UTRN: variants seen among roughly 807,000 people sequenced by gnomAD.
The protein encoded by UTRN is dystrophin-related protein 1.
A neutral mutation model predicts 463.9 loss-of-function variants in UTRN; 283 were observed. The observed-to-expected ratio is 0.61, with a 90% confidence interval of 0.55 to 0.67. The LOEUF (loss-of-function observed/expected upper bound fraction) is 0.67, where lower values mean the gene tolerates loss of function less well. UTRN is among the 30% of genes least tolerant of loss of function. The probability of loss-of-function intolerance (pLI) is 0.00; values close to 1 mark genes in which losing one functional copy is unlikely to be tolerated. For synonymous variants in UTRN, 1,442 were observed against 1,431.5 expected, an observed-to-expected ratio of 1.01 and a Z score of -0.17; for missense variants, 3,922 against 4,084.3, an observed-to-expected ratio of 0.96 and a Z score of 1.08.
intron 50 of UTRN, among the ~76,000 whole-genome samples, chr6:144,566,067 G>T (rs1054980845): frequency 2.0e-5 from 3 of 152,176 alleles, no homozygotes; most frequent in East Asian, 1.9e-4. Context: ...GAGATTTAGA[G>T]AATTGGGTTT....
At chr6:144,741,570 T>G (rs2128719575) in intron 54 of UTRN, among the ~76,000 whole-genome samples, 1 of 152,288 alleles carries the variant, frequency 6.6e-6, no homozygotes, top group Middle Eastern at 3.4e-3. Context: ...CAGCTTTTCC[T>G]CTTTCCTTTT....
intron 10 of UTRN, among the ~76,000 whole-genome samples, chr6:144,437,361 C>A (rs1421808943): frequency 6.6e-6 from 1 of 152,152 alleles, no homozygotes; most frequent in Non-Finnish European, 1.5e-5. Context: ...TTGCTTTGAG[C>A]TATTTCTCTT....
intron 51 of UTRN, among the ~76,000 whole-genome samples, chr6:144,629,151 T>C (rs1776250077): frequency 6.6e-6 from 1 of 152,170 alleles, no homozygotes; most frequent in Admixed American, 6.5e-5. Context: ...TTACCTTGAA[T>C]CTTAATATCA....
chr6:144,851,095 C>T lies in UTRN; in HGVS notation c.*98C>T. ...CCATTAAATCAGAAGCTCCATGGCTCCTTGGCCCACGATGTTGAGTGCTGA... is the reference window on the plus strand; with the variant it reads ...CCATTAAATCAGAAGCTCCATGGCTTCTTGGCCCACGATGTTGAGTGCTGA... On this transcript the variant is annotated 3_prime_UTR_variant, in exon 75 of 75. Transcript: ENST00000367545. 1 of 1,511,334 alleles carries T rather than the reference C, an allele frequency of 6.6e-7. No individual in the cohort carries two copies. The allele number at this position is 1,511,334 out of a possible 1,614,324, so 93.6% of individuals were successfully genotyped here.
intron 2 of UTRN, among the ~76,000 whole-genome samples, chr6:144,340,634 T>C (rs1172413328): frequency 2.0e-5 from 3 of 152,226 alleles, no homozygotes; most frequent in Admixed American, 6.5e-5. Flanking sequence ...TATTGAGCTA[T>C]AATAGAGCTA....
In UTRN at chr6:144,754,775, C is replaced by T. The variant is rs768229951; in HGVS notation, c.8411C>T (p.Pro2804Leu). Residue 2804 changes from proline (P) to leucine (L), a missense_variant, in exon 57 of 75, where the codon CCA (proline) becomes CTA (leucine). Physicochemically the swap from Pro to Leu is moderately conservative, Grantham distance 98. Around this residue, in one of 3 missense-constraint regions of UTRN, gnomAD observed 1,309 missense variants for 1,452.6 expected, o/e 0.90. Coordinates refer to ENST00000367545, the MANE Select transcript of UTRN (RefSeq NM_007124.3). Reference protein sequence around the residue: ...QLQEAHRDFGPSSQHFLSTSV... With the variant: ...QLQEAHRDFGLSSQHFLSTSV... ...CAGGAAGCCCACAGAGATTTTGGAC[C>T]ATCCTCTCAGCATTTTCTCTCTAGT... 5 of 1,613,380 alleles carry T rather than the reference C, an allele frequency of 3.1e-6. No homozygotes were observed. The South Asian group carries it at 4.4e-5, about 14-fold the overall frequency.
chr6:144,775,690 G>T (rs1294001562), intron 60 of UTRN, among the ~76,000 whole-genome samples: 1 of 152,120 alleles, frequency 6.6e-6, no homozygotes, highest in Non-Finnish European at 1.5e-5. Flanking sequence ...TTCTTCTCAG[G>T]CCTGATGAGC....
intron 3 of UTRN, among the ~76,000 whole-genome samples, chr6:144,416,887 A>G (rs754829134): frequency 6.6e-6 from 1 of 152,256 alleles, no homozygotes; most frequent in Non-Finnish European, 1.5e-5. Context: ...GGTATTCACT[A>G]AATATTTGTC....
intron 51 of UTRN, among the ~76,000 whole-genome samples, chr6:144,618,044 G>GGTGTTTAAAAAGAGAATACATGTGA (rs1806327984): frequency 6.6e-6 from 1 of 152,038 alleles, no homozygotes; most frequent in Non-Finnish European, 1.5e-5. Context: ...ATTGCACCTG[G>GGTGTTTAAAAAGAGAATACATGTGA]GTGTTTAAAA....
At chr6:144,415,859 G>A (rs1419967130) in intron 3 of UTRN, among the ~76,000 whole-genome samples, 1 of 152,180 alleles carries the variant, frequency 6.6e-6, no homozygotes, top group Admixed American at 6.5e-5. Flanking sequence ...ATGGTAAGAA[G>A]TGGTCATGTT....
At chr6:144,436,469 T>C (rs1261254795) in intron 10 of UTRN, among the ~76,000 whole-genome samples, 1 of 152,150 alleles carries the variant, frequency 6.6e-6, no homozygotes, top group Non-Finnish European at 1.5e-5. Context: ...TCTTTAAGAT[T>C]TGAGTGTTCC....
At chr6:144,634,893 C>T (rs1172733932) in intron 51 of UTRN, among the ~76,000 whole-genome samples, 1 of 152,126 alleles carries the variant, frequency 6.6e-6, no homozygotes, top group South Asian at 2.1e-4. Flanking sequence ...TGTGGATAGG[C>T]TACATTTTGT....
rs967989889 is a variant in UTRN at position 144,851,830 on chromosome 6, T to G, written c.*833T>G. On this transcript the variant is annotated 3_prime_UTR_variant, in exon 75 of 75. Coordinates refer to ENST00000367545, the MANE Select transcript of UTRN (RefSeq NM_007124.3). Reference sequence around the variant, plus strand: ...CTATTTGATAAAGAAGACTACATTATAATAATCTCAAAGATCATATTACCA... The same window carrying G: ...CTATTTGATAAAGAAGACTACATTAGAATAATCTCAAAGATCATATTACCA... 6.6e-6 allele frequency: 1 copy of G among 152,226 alleles called. No homozygotes were observed. Among genetic ancestry groups the G allele is most frequent in the African/African-American group, 2.4e-5 (1 of 41,460 alleles). The allele number at this position is 152,226 out of a possible 1,614,324, so 9.4% of individuals were successfully genotyped here.
intron 54 of UTRN, among the ~76,000 whole-genome samples, chr6:144,738,123 CT>C (rs1181991060): frequency 6.6e-6 from 1 of 152,208 alleles, no homozygotes; most frequent in Non-Finnish European, 1.5e-5. Flanking sequence ...TGGATTTTGG[CT>C]GGCTTTTGAC....
intron 51 of UTRN, among the ~76,000 whole-genome samples, chr6:144,672,631 T>G (rs1277171317): frequency 6.6e-6 from 1 of 152,048 alleles, no homozygotes; most frequent in Non-Finnish European, 1.5e-5. Flanking sequence ...TTGTTTCACT[T>G]ACTTTTTGTG....
chr6:144,337,649 C>G lies in UTRN; in HGVS notation c.79+45742C>G, dbSNP rs566377893. ...TATTATTTTGAGATGGAGTCTTGCT[C>G]TGTCTCCCAGGCTAGAGTGCAGTGG... On this transcript the variant is annotated intron_variant, in intron 2 of 74. Transcript: ENST00000367545. 2.0e-5 allele frequency among the ~76,000 whole-genome samples: 3 copies of G among 152,276 alleles called. No individual in the cohort carries two copies. The South Asian group carries it at 6.2e-4, about 32-fold the overall frequency.
intron 51 of UTRN, chr6:144,660,016 T>A: frequency 2.9e-6 from 1 of 343,220 alleles, no homozygotes; most frequent in Non-Finnish European, 5.8e-6. Flanking sequence ...CCGAAGTCCA[T>A]GAAAAAACGG....
intron 52 of UTRN, among the ~76,000 whole-genome samples, chr6:144,695,478 G>A (rs1406825347): frequency 2.0e-5 from 3 of 151,884 alleles, no homozygotes; most frequent in Non-Finnish European, 4.4e-5. Context: ...CAAGTAGCTG[G>A]GATTACAGGC....
In UTRN at chr6:144,793,916, C is replaced by T. The variant is rs375044482; in HGVS notation, c.9003C>T (p.Ile3001=). Residue 3001 remains isoleucine (I), a synonymous_variant, in exon 63 of 75, where the codon ATC becomes ATT. Transcript: ENST00000367545. ...LGLLLHDAIQ[I]PRQLGEVAAF... ...TGTTACTTCATGATGCCATCCAGAT[C>T]CCCCGGCAGCTAGGTGAAGTAGCAG... The T allele has an allele frequency of 6.2e-6, 10 of 1,614,030 alleles. No homozygotes were observed. Among genetic ancestry groups the T allele is most frequent in the Non-Finnish European group, 8.5e-6 (10 of 1,179,958 alleles).
Sources: allele counts gnomAD v4.1 joint callset (sites outside exome capture counted in the v4.1 genomes callset), GRCh38; gene constraint gnomAD v4.1.1; regional missense constraint gnomAD v4.1.1; transcripts MANE v1.5; gene names NCBI Gene and HGNC (gene_info 2026-07-23, HGNC 2026-07-21).